DHX34: variants seen among roughly 807,000 people sequenced by gnomAD.
DHX34 encodes the protein DExH-box helicase 34.
Under a neutral mutation model 111.1 loss-of-function variants are expected in DHX34, and 96 were observed. That is an observed-to-expected ratio of 0.86 (90% CI 0.73 to 1.02). The LOEUF is 1.02. Ranked by LOEUF, DHX34 falls within the 50% of genes least tolerant of loss-of-function variation. The pLI, the probability that DHX34 is intolerant of heterozygous loss-of-function variation, is 0.00. For missense variants in DHX34, 1,560 were observed against 1,579.9 expected (o/e 0.99, Z 0.21); for synonymous variants, 688 against 670.4 (o/e 1.03, Z -0.41).
In DHX34 at chr19:47,360,041, T is replaced by A. The variant is rs749641026; in HGVS notation, c.1346T>A (p.Ile449Asn). Residue 449 changes from isoleucine to asparagine, a missense_variant, in exon 5 of 17, where the codon ATT becomes AAT. Transcript: ENST00000328771. ...AACATTGCTGAGACCTCAGTCACCA[T>A]TGACGGGATCCGCTTCGTAGTAGAT... ...STNIAETSVTIDGIRFVVDSG... is the reference protein window; with the variant it reads ...STNIAETSVTNDGIRFVVDSG... The A allele has an allele frequency of 2.5e-6, 4 of 1,613,970 alleles. No individual in the cohort carries two copies. Among genetic ancestry groups the A allele is most frequent in the Non-Finnish European group, 3.4e-6 (4 of 1,179,958 alleles).
At chr19:47,381,593 A>G in intron 16 of DHX34, 1 of 583,816 alleles carries the variant, frequency 1.7e-6, no homozygotes, top group Non-Finnish European at 3.0e-6. Context: ...CTCTGTGGCT[A>G]TGTCTCTTGT....
chr19:47,381,984 T>C lies in DHX34; in HGVS notation c.3303T>C (p.Ala1101=), dbSNP rs866930993. 2 of 1,614,112 alleles carry C rather than the reference T, an allele frequency of 1.2e-6. No homozygotes were observed. The highest frequency in any genetic ancestry group is 1.7e-4 in the Middle Eastern group (1 of 6,060). The change falls in exon 17 of 17, where the codon GCT becomes GCC. Residue 1101 remains alanine, a synonymous_variant. Coordinates refer to ENST00000328771, the MANE Select transcript of DHX34 (RefSeq NM_014681.6). ...CTCCTCCTTTTCCTCCCTTAGGGGCTGAGGAAGCTGCCCTCGAAACCCTCC... is the reference window on the plus strand; with the variant it reads ...CTCCTCCTTTTCCTCCCTTAGGGGCCGAGGAAGCTGCCCTCGAAACCCTCC... ...PQAPQDGPPG[A]EEAALETLQK...
intron 7 of DHX34, among the ~76,000 whole-genome samples, chr19:47,371,039 GT>G (rs890548226): frequency 1.1e-4 from 17 of 152,334 alleles, no homozygotes; most frequent in African/African-American, 4.1e-4. Flanking sequence ...GCAGAAGAAT[GT>G]TCTGTGAGCT....
At position 47,382,379 on chromosome 19, in the gene DHX34, C is replaced by CTGAGGGGTCCTGGGTAGG. The variant is rs1282471622; in HGVS notation, c.*267_*284dup. 1.9e-6 allele frequency: 1 copy of CTGAGGGGTCCTGGGTAGG among 515,716 alleles called. No homozygotes were observed. The highest frequency in any genetic ancestry group is 4.0e-5 in the East Asian group (1 of 24,824). The allele number at this position is 515,716 out of a possible 1,614,324, so 31.9% of individuals were successfully genotyped here. A position where few individuals can be genotyped will look rare whatever the true frequency, so the allele number is the denominator to read the frequency against. On this transcript the variant is annotated 3_prime_UTR_variant, in exon 17 of 17. Transcript: ENST00000328771. ...CCTTCTTCCTGCTGCAGGGTGCTGCCTGAGGGGTCCTGGGTAGGAGGGGCG... is the reference window on the plus strand; with the variant it reads ...CCTTCTTCCTGCTGCAGGGTGCTGCCTGAGGGGTCCTGGGTAGGTGAGGGGTCCTGGGTAGGAGGGGCG...
chr19:47,373,297 C>T (rs545769252), intron 8 of DHX34, among the ~76,000 whole-genome samples: 1 of 152,336 alleles, frequency 6.6e-6, no homozygotes, highest in South Asian at 2.1e-4. Context: ...ACTACCCTGG[C>T]CCTGCCCTCC....
chr19:47,355,656 G>C (rs1969435219), intron 3 of DHX34, among the ~76,000 whole-genome samples: 1 of 152,008 alleles, frequency 6.6e-6, no homozygotes, highest in African/African-American at 2.4e-5. Flanking sequence ...AGACCATCCT[G>C]GCTAACATGG....
intron 5 of DHX34, among the ~76,000 whole-genome samples, chr19:47,361,483 A>T (rs953446481): frequency 4.6e-5 from 7 of 151,308 alleles, no homozygotes; most frequent in Admixed American, 1.3e-4. Flanking sequence ...GAGAGAAATT[A>T]AAAAAATAAT....
intron 6 of DHX34, among the ~76,000 whole-genome samples, chr19:47,364,881 C>G (rs1016443297): frequency 6.6e-6 from 1 of 152,170 alleles, no homozygotes; most frequent in African/African-American, 2.4e-5. Context: ...CACCAGGCGT[C>G]AGAGCCTGCT....
At chr19:47,354,920 C>T (rs1376924585) in intron 2 of DHX34, 119 bp from the exon 3 acceptor site, 21 of 1,508,676 alleles carry the variant, frequency 1.4e-5, no homozygotes, top group Non-Finnish European at 4.4e-6. Context: ...TCCCAAAGTG[C>T]TGGGATTACA....
chr19:47,372,687 G>A (rs201313824), intron 7 of DHX34, 43 bp from the exon 8 acceptor site: 4 of 1,534,578 alleles, frequency 2.6e-6, no homozygotes, highest in Non-Finnish European at 3.5e-6. Flanking sequence ...GGCTGCGCCT[G>A]TCCTGGCACC....
rs1205006493 is a variant in DHX34, at chr19:47,360,090, C to T, written c.1375+20C>T. On this transcript the variant is annotated intron_variant, in intron 5 of 16. Transcript: ENST00000328771. Reference sequence around the variant, plus strand: ...ATTCCGGTAAGGACCACCATGAGCCCCTACCCACCACCCCCAAGGACTTAG... The same window carrying T: ...ATTCCGGTAAGGACCACCATGAGCCTCTACCCACCACCCCCAAGGACTTAG... 1 of 1,612,296 alleles carries T rather than the reference C, an allele frequency of 6.2e-7. No individual in the cohort carries two copies. The highest frequency in any genetic ancestry group is 2.2e-5 in the East Asian group (1 of 44,870).
rs145900546 is a variant in DHX34 at position 47,377,169 on chromosome 19, C to T, written c.2669C>T (p.Pro890Leu). The T allele has an allele frequency of 8.1e-6, 13 of 1,613,966 alleles. No individual in the cohort carries two copies. Among genetic ancestry groups the T allele is most frequent in the African/African-American group, 5.3e-5 (4 of 75,050 alleles). The change falls in exon 13 of 17, where the codon CCG becomes CTG. Residue 890 changes from proline (P) to leucine (L), a missense_variant. Transcript: ENST00000328771. ...GTGTCCCTGCTGGAGACCAACAAGC[C>T]GTACCTGGTGAACTGCGTCCGCATC... ...SFVSLLETNKPYLVNCVRIPA... is the reference protein window; with the variant it reads ...SFVSLLETNKLYLVNCVRIPA...
At chr19:47,350,700 G>A (rs902705842) in intron 1 of DHX34, among the ~76,000 whole-genome samples, 4 of 152,064 alleles carry the variant, frequency 2.6e-5, no homozygotes, top group South Asian at 2.1e-4. Context: ...GATTATAGGC[G>A]TGAGCCACCA....
chr19:47,376,183 A>C, intron 11 of DHX34, 86 bp downstream of exon 11: 1 of 1,499,058 alleles, frequency 6.7e-7, no homozygotes, highest in Non-Finnish European at 8.9e-7. Flanking sequence ...TGCAGTGGTG[A>C]CTGAAACAAC....
chr19:47,377,760 T>TCAG (rs59292675), intron 13 of DHX34, among the ~76,000 whole-genome samples: 56,483 of 151,304 alleles, frequency 0.37, 14,831 homozygotes, highest in African/African-American at 0.74. Flanking sequence ...TGGGGACTTC[T>TCAG]CAGAGCTGGG....
At chr19:47,368,560 C>A (rs1249700807) in intron 7 of DHX34, among the ~76,000 whole-genome samples, 2 of 150,642 alleles carry the variant, frequency 1.3e-5, no homozygotes, top group Admixed American at 1.3e-4. Context: ...CCCGCCTTGA[C>A]CTCCCAAAGT....
chr19:47,376,953 G>A, intron 12 of DHX34, 147 bp from the exon 13 acceptor site: 2 of 1,541,618 alleles, frequency 1.3e-6, no homozygotes, highest in Non-Finnish European at 1.7e-6. Context: ...AGATTTGGCT[G>A]ACCTTCTTGT....
intron 15 of DHX34, 95 bp downstream of exon 15, chr19:47,381,087 C>T: frequency 6.4e-7 from 1 of 1,557,948 alleles, no homozygotes; most frequent in Non-Finnish European, 8.7e-7. Flanking sequence ...CCAAGTGGGG[C>T]CCGTGGCCCT....
Position 47,372,920 on chromosome 19 carries a change from G to T in DHX34, c.1959G>T (p.Val653=). 6.3e-7 allele frequency: 1 copy of T among 1,593,636 alleles called. No individual in the cohort carries two copies. The highest frequency in any genetic ancestry group is 2.2e-5 in the East Asian group (1 of 44,590). ...FTLFNVFNAW[V]QVKSERSRNS... is the part of the protein sequence containing the mutation. ...TCTTCAACGTCTTCAACGCCTGGGTGCAGGTGAGGCTGGTGGTGGGGGCCC... is the reference window on the plus strand; with the variant it reads ...TCTTCAACGTCTTCAACGCCTGGGTTCAGGTGAGGCTGGTGGTGGGGGCCC... Residue 653 remains valine (V), a synonymous_variant, in exon 8 of 17, where the codon GTG becomes GTT. Transcript: ENST00000328771.
Sources: allele counts gnomAD v4.1 joint callset (sites outside exome capture counted in the v4.1 genomes callset), GRCh38; gene constraint gnomAD v4.1.1; transcripts MANE v1.5; gene names NCBI Gene and HGNC (gene_info 2026-07-23, HGNC 2026-07-21).